The following TAF3 variants were observed in gnomAD, a reference collection of about 807,000 sequenced individuals.
TAF3 encodes transcription initiation factor TFIID subunit 3.
In TAF3, 7 loss-of-function variants were observed where a neutral mutation model predicts 80.6. The observed-to-expected ratio is 0.09, with a 90% CI of 0.05 to 0.16. TAF3 has a LOEUF of 0.16. Ranked by LOEUF, TAF3 falls within the 10% of genes least tolerant of loss-of-function variation. TAF3 has a pLI of 1.00. For synonymous variants in TAF3, 444 were observed against 446.1 expected (o/e 1.00, Z 0.06); for missense variants, 921 against 1,140.2 (o/e 0.81, Z 2.77).
At chr10:7,849,621 C>T (rs1837006524) in intron 2 of TAF3, among the ~76,000 whole-genome samples, 1 of 151,880 alleles carries the variant, frequency 6.6e-6, no homozygotes, top group Admixed American at 6.6e-5. Flanking sequence ...TTATGTATTG[C>T]CCCCAATTAT....
chr10:7,856,841 G>C (rs1300526971), intron 2 of TAF3, among the ~76,000 whole-genome samples: 1 of 105,780 alleles, frequency 9.5e-6, no homozygotes, highest in Non-Finnish European at 1.8e-5. Context: ...TCTGGTAAAT[G>C]TTTAACAGCT....
At chr10:7,896,283 GA>G (rs771395486) in intron 2 of TAF3, among the ~76,000 whole-genome samples, 1 of 152,142 alleles carries the variant, frequency 6.6e-6, no homozygotes, top group Non-Finnish European at 1.5e-5. Context: ...TGAATGGGGG[GA>G]AAACGTAGAC....
chr10:7,900,331 A>G (rs1045280770), intron 2 of TAF3, among the ~76,000 whole-genome samples: 6 of 152,226 alleles, frequency 3.9e-5, no homozygotes, highest in Admixed American at 3.9e-4. Flanking sequence ...TAATGGAGGC[A>G]TTTGTTTCAA....
At chr10:7,915,411 G>A (rs373012426) in intron 2 of TAF3, among the ~76,000 whole-genome samples, 1 of 148,700 alleles carries the variant, frequency 6.7e-6, no homozygotes, top group African/African-American at 2.5e-5. Context: ...TTGGGAGGCC[G>A]AGACGGGTGG....
At chr10:7,902,537 C>T (rs1588545501) in intron 2 of TAF3, among the ~76,000 whole-genome samples, 1 of 152,154 alleles carries the variant, frequency 6.6e-6, no homozygotes, top group Admixed American at 6.5e-5. Context: ...AAAAACGTTT[C>T]TCAGGGTTTT....
At chr10:7,958,550 C>G (rs117082144) in intron 2 of TAF3, among the ~76,000 whole-genome samples, 1 of 151,714 alleles carries the variant, frequency 6.6e-6, no homozygotes, top group Non-Finnish European at 1.5e-5. Context: ...AAGCAAACTA[C>G]CTACAAATAT....
intron 2 of TAF3, among the ~76,000 whole-genome samples, chr10:7,830,939 A>T (rs1053996441): frequency 2.6e-5 from 4 of 152,200 alleles, no homozygotes; most frequent in African/African-American, 9.6e-5. Flanking sequence ...GTTTCTCAAA[A>T]TTGGCAGCAA....
chr10:7,895,415 T>C (rs1039321846), intron 2 of TAF3, among the ~76,000 whole-genome samples: 1 of 152,112 alleles, frequency 6.6e-6, no homozygotes, highest in Non-Finnish European at 1.5e-5. Flanking sequence ...TCCTTAGACA[T>C]CCCACGGCTC....
intron 4 of TAF3, among the ~76,000 whole-genome samples, chr10:7,999,350 AG>A (rs1005182026): frequency 9.2e-5 from 14 of 152,008 alleles, no homozygotes; most frequent in African/African-American, 3.4e-4. Flanking sequence ...TGGGACACAA[AG>A]CAACTATGGG....
chr10:8,001,148 A>C (rs1223376426), intron 4 of TAF3, among the ~76,000 whole-genome samples: 3 of 152,174 alleles, frequency 2.0e-5, no homozygotes, highest in African/African-American at 7.2e-5. Flanking sequence ...ACCTTTACAC[A>C]GCTGTCTAAT....
At chr10:7,894,680 A>G (rs903132437) in intron 2 of TAF3, among the ~76,000 whole-genome samples, 1 of 152,232 alleles carries the variant, frequency 6.6e-6, no homozygotes, top group Non-Finnish European at 1.5e-5. Flanking sequence ...AAAATTTTAT[A>G]TATGTTTGTT....
intron 2 of TAF3, among the ~76,000 whole-genome samples, chr10:7,919,582 C>G: frequency 6.6e-6 from 1 of 152,062 alleles, no homozygotes; most frequent in East Asian, 1.9e-4. Flanking sequence ...AGCATTGGTT[C>G]CAGGACCCCC....
At chr10:7,955,973 C>A (rs1048173166) in intron 2 of TAF3, among the ~76,000 whole-genome samples, 5 of 152,114 alleles carry the variant, frequency 3.3e-5, no homozygotes, top group African/African-American at 4.8e-5. Flanking sequence ...AGGAATTTGA[C>A]AATTGTTCTG....
intron 4 of TAF3, among the ~76,000 whole-genome samples, chr10:7,987,762 G>T (rs1831792450): frequency 6.6e-6 from 1 of 152,206 alleles, no homozygotes; most frequent in Non-Finnish European, 1.5e-5. Context: ...TGAAAAGCTA[G>T]ATCCATTCTT....
intron 2 of TAF3, among the ~76,000 whole-genome samples, chr10:7,939,687 C>T (rs765521892): frequency 6.6e-6 from 1 of 151,220 alleles, no homozygotes; most frequent in South Asian, 2.1e-4. Context: ...GTCAAAGAGC[C>T]AGAGCAAGTT....
chr10:7,978,919 T>C (rs1831697884), intron 4 of TAF3, among the ~76,000 whole-genome samples: 2 of 152,242 alleles, frequency 1.3e-5, no homozygotes. Flanking sequence ...GCCATGCCTG[T>C]AGTCCCAGTT....
chr10:8,009,454 T>A lies in TAF3; in HGVS notation c.2568+124T>A. 7.5e-7 allele frequency: 1 copy of A among 1,336,868 alleles called. No individual in the cohort carries two copies. The highest frequency in any genetic ancestry group is 9.8e-7 in the Non-Finnish European group (1 of 1,019,602). The allele number at this position is 1,336,868 out of a possible 1,614,324, so 82.8% of individuals were successfully genotyped here. On this transcript the variant is annotated intron_variant, in intron 5 of 6. Coordinates refer to ENST00000344293, the MANE Select transcript of TAF3 (RefSeq NM_031923.4). This position sits in a 1 kb window ranked among gnomAD's most constrained non-coding sequence, Gnocchi z 4.1. Reference sequence around the variant, plus strand: ...CAAAATTTTATTATTTACTTAATTATTTTTGAGACAGGGTCTCCCTGTGTG... The same window carrying A: ...CAAAATTTTATTATTTACTTAATTAATTTTGAGACAGGGTCTCCCTGTGTG...
rs576716086 is a variant in TAF3, at chr10:7,950,630, T to C, written c.410-13290T>C. On this transcript the variant is annotated intron_variant, in intron 2 of 6. Coordinates refer to ENST00000344293, the MANE Select transcript of TAF3 (RefSeq NM_031923.4). Reference sequence around the variant, plus strand: ...TGATGAGTGTATATCCATGTAGTTATATACAGTTATCCTCATTATGCACAG... The same window carrying C: ...TGATGAGTGTATATCCATGTAGTTACATACAGTTATCCTCATTATGCACAG... Among the ~76,000 whole-genome samples, 3 of 152,366 alleles carry C rather than the reference T, an allele frequency of 2.0e-5. No individual in the cohort carries two copies. In the South Asian group the frequency reaches 6.2e-4, roughly 32 times the overall value.
At chr10:7,822,844 G>T (rs1836703357) in intron 1 of TAF3, among the ~76,000 whole-genome samples, 2 of 152,154 alleles carry the variant, frequency 1.3e-5, no homozygotes, top group African/African-American at 2.4e-5. Flanking sequence ...GCTCTGCTAA[G>T]AATAGGCATA....
Sources: gnomAD v4.1 joint callset for allele counts (sites outside exome capture counted in the v4.1 genomes callset) on GRCh38, gnomAD v4.1.1 for gene constraint, Gnocchi (gnomAD v3.1) non-coding constraint, MANE v1.5 for transcripts, NCBI Gene and HGNC (gene_info 2026-07-23, HGNC 2026-07-21) for gene names.